Variants in SPRED1 observed in about 807,000 individuals in gnomAD.
The protein encoded by SPRED1 is sprouty related EVH1 domain containing 1.
In SPRED1, 18 loss-of-function variants were observed where a neutral mutation model predicts 52.3. That is an observed-to-expected ratio of 0.34 (90% CI 0.24 to 0.51). The LOEUF is 0.51. Among genes scored for constraint, SPRED1 ranks in the 20% least tolerant of loss-of-function variants. The pLI is 0.97. For missense variants in SPRED1, 485 were observed against 551.0 expected (o/e 0.88, Z 1.20); for synonymous variants, 155 against 179.7 (o/e 0.86, Z 1.10).
In SPRED1 at chr15:38,351,376, G is replaced by T. The variant is rs1183088980; in HGVS notation, c.1047G>T (p.Arg349Ser). The T allele has an allele frequency of 6.2e-7, 1 of 1,613,894 alleles. No individual in the cohort carries two copies. Among genetic ancestry groups the T allele is most frequent in the African/African-American group, 1.3e-5 (1 of 74,888 alleles). The stretch of plus-strand genomic sequence containing the variant: ...GGTTTAATCATGAAGAAAATGTTAG[G>T]GGAAAATGTCAGGATGCTCCAGACC... ...QERFNHEENVRGKCQDAPDPI... is the reference protein window; with the variant it reads ...QERFNHEENVSGKCQDAPDPI... The change falls in exon 7 of 7, where the codon AGG becomes AGT. Residue 349 changes from arginine (R) to serine (S), a missense_variant. By Grantham distance (110) the Arg-to-Ser change is moderately radical. Around this residue, in one of 5 missense-constraint regions of SPRED1, gnomAD observed 205 missense variants for 245.2 expected, o/e 0.84. Transcript: ENST00000299084.
intron 1 of SPRED1, among the ~76,000 whole-genome samples, chr15:38,259,568 A>G (rs1257093699): frequency 6.6e-6 from 1 of 152,208 alleles, no homozygotes; most frequent in African/African-American, 2.4e-5. Flanking sequence ...AAGAGAAAAA[A>G]AGTATGGCCT....
At chr15:38,276,819 TATGAAACACTG>T (rs1293627340) in intron 1 of SPRED1, among the ~76,000 whole-genome samples, 1 of 152,208 alleles carries the variant, frequency 6.6e-6, no homozygotes, top group East Asian at 1.9e-4. Flanking sequence ...TTGCCTGATT[TATGAAACACTG>T]TAGTTTATCC....
chr15:38,276,363 A>G (rs1336349589), intron 1 of SPRED1, among the ~76,000 whole-genome samples: 1 of 152,142 alleles, frequency 6.6e-6, no homozygotes, highest in African/African-American at 2.4e-5. Flanking sequence ...AGTGTTATAT[A>G]TATAGCATTT....
chr15:38,258,840 A>G (rs1007379072), intron 1 of SPRED1, among the ~76,000 whole-genome samples: 2 of 152,192 alleles, frequency 1.3e-5, no homozygotes, highest in African/African-American at 4.8e-5. Context: ...AACTCTTACC[A>G]TCTTCTGTGC....
Position 38,254,847 on chromosome 15 carries a change from A to G in SPRED1, c.32+1630A>G, listed in dbSNP as rs145979042. 2.7e-3 allele frequency among the ~76,000 whole-genome samples: 415 copies of G among 152,368 alleles called. 2 individuals carry two copies. Among genetic ancestry groups the G allele is most frequent in the African/African-American group, 9.7e-3 (403 of 41,590 alleles). ...TACTTTGAGGGAGATCAAGAAGTCT[A>G]TCTCAGATAATGGTTATTTAGGAGA... On this transcript the variant is annotated intron_variant, in intron 1 of 6. Transcript: ENST00000299084.
intron 1 of SPRED1, among the ~76,000 whole-genome samples, chr15:38,254,564 G>GA (rs1000929129): frequency 6.6e-6 from 1 of 152,068 alleles, no homozygotes; most frequent in Non-Finnish European, 1.5e-5. Context: ...GATTTCCCAA[G>GA]AAAAAAAATT....
chr15:38,267,838 A>G (rs1595715101), intron 1 of SPRED1, among the ~76,000 whole-genome samples: 1 of 152,260 alleles, frequency 6.6e-6, no homozygotes, highest in East Asian at 1.9e-4. Context: ...ACTGCATCAC[A>G]GTAACAAACA....
intron 1 of SPRED1, among the ~76,000 whole-genome samples, chr15:38,264,652 C>A (rs1266218797): frequency 3.9e-5 from 6 of 151,978 alleles, no homozygotes; most frequent in African/African-American, 1.5e-4. Context: ...TAAGCCAGTG[C>A]CAGTGTATTT....
rs1287757171 is a variant in SPRED1 at position 38,324,728 on chromosome 15, T to A, written c.377-35T>A. The A allele has an allele frequency of 1.9e-6, 3 of 1,545,758 alleles. No individual in the cohort carries two copies. The Admixed American group carries it at 5.5e-5, about 28-fold the overall frequency. On this transcript the variant is annotated intron_variant, in intron 3 of 6. Coordinates refer to ENST00000299084, the MANE Select transcript of SPRED1 (RefSeq NM_152594.3). Reference sequence around the variant, plus strand: ...TTAATACTGGACTCTAAGACAAAAATTCTATACTTAATTAACTTTTATCTA... The same window carrying A: ...TTAATACTGGACTCTAAGACAAAAAATCTATACTTAATTAACTTTTATCTA...
chr15:38,260,025 A>C (rs1446491339), intron 1 of SPRED1, among the ~76,000 whole-genome samples: 2 of 152,186 alleles, frequency 1.3e-5, no homozygotes, highest in African/African-American at 4.8e-5. Context: ...TCTCAACCTG[A>C]ACATTCATAA....
intron 2 of SPRED1, among the ~76,000 whole-genome samples, chr15:38,319,504 C>G (rs764812669): frequency 6.6e-6 from 1 of 152,060 alleles, no homozygotes; most frequent in Non-Finnish European, 1.5e-5. Flanking sequence ...CTCAGCCTCT[C>G]GAGTAGCTGA....
At chr15:38,294,948 C>CCAGGAG (rs1205242869) in intron 1 of SPRED1, among the ~76,000 whole-genome samples, 2 of 152,092 alleles carry the variant, frequency 1.3e-5, no homozygotes, top group African/African-American at 4.8e-5. Flanking sequence ...CAAAATTAAT[C>CCAGGAG]TTTGGTGTAA....
intron 1 of SPRED1, among the ~76,000 whole-genome samples, chr15:38,269,058 G>C (rs989145087): frequency 3.4e-4 from 52 of 151,060 alleles, no homozygotes; most frequent in South Asian, 2.9e-3. Flanking sequence ...CCCTGCCTCA[G>C]CCTCCTGAGT....
At chr15:38,281,028 C>G (rs1566853507) in intron 1 of SPRED1, among the ~76,000 whole-genome samples, 1 of 152,144 alleles carries the variant, frequency 6.6e-6, no homozygotes, top group Non-Finnish European at 1.5e-5. Flanking sequence ...AGGAACTGGT[C>G]AGGTTGAACT....
At chr15:38,273,605 T>TA (rs1034411819) in intron 1 of SPRED1, among the ~76,000 whole-genome samples, 2 of 149,476 alleles carry the variant, frequency 1.3e-5, no homozygotes, top group African/African-American at 4.9e-5. Context: ...TTAGTGTTTT[T>TA]AAAAAAATTA....
At chr15:38,320,440 A>G (rs538188636) in intron 2 of SPRED1, among the ~76,000 whole-genome samples, 1 of 152,316 alleles carries the variant, frequency 6.6e-6, no homozygotes, top group South Asian at 2.1e-4. Context: ...TAGTCTTGAA[A>G]GCATTGAAAA....
chr15:38,339,550 A>G (rs1000577968), intron 4 of SPRED1, among the ~76,000 whole-genome samples, 187 bp from the exon 5 acceptor site: 4 of 152,146 alleles, frequency 2.6e-5, no homozygotes, highest in Non-Finnish European at 5.9e-5. Context: ...CTAAAAGTTC[A>G]TATTATTGTA....
chr15:38,289,381 A>T (rs1595727771), intron 1 of SPRED1, among the ~76,000 whole-genome samples: 1 of 146,056 alleles, frequency 6.8e-6, no homozygotes, highest in African/African-American at 2.5e-5. Flanking sequence ...TTTCTTACTG[A>T]TTTTTGGAGT....
intron 5 of SPRED1, among the ~76,000 whole-genome samples, chr15:38,346,725 G>C (rs192176209): frequency 6.6e-6 from 1 of 152,062 alleles, no homozygotes; most frequent in African/African-American, 2.4e-5. Context: ...TTTCTTGTCC[G>C]CAGCTATTCA....
Sources: gnomAD v4.1 joint callset for allele counts (sites outside exome capture counted in the v4.1 genomes callset) on GRCh38, gnomAD v4.1.1 for gene constraint, gnomAD v4.1.1 regional missense constraint, MANE v1.5 for transcripts, NCBI Gene and HGNC (gene_info 2026-07-23, HGNC 2026-07-21) for gene names.